PCNX2: variants seen among roughly 807,000 people sequenced by gnomAD.
The protein encoded by PCNX2 is pecanex-like protein 2.
Under a neutral mutation model 223.8 loss-of-function variants are expected in PCNX2, and 168 were observed. The observed-to-expected ratio is 0.75, with a 90% CI of 0.66 to 0.85. The LOEUF is 0.85. Ranked by LOEUF, PCNX2 falls within the 40% of genes least tolerant of loss-of-function variation. PCNX2 has a pLI of 0.00. For missense variants in PCNX2, 2,507 were observed against 2,675.5 expected, an observed-to-expected ratio of 0.94 and a Z score of 1.39; for synonymous variants, 1,006 against 1,052.6, an observed-to-expected ratio of 0.96 and a Z score of 0.86.
At chr1:233,053,723 T>C (rs1017563758) in intron 25 of PCNX2, among the ~76,000 whole-genome samples, 3 of 152,214 alleles carry the variant, frequency 2.0e-5, no homozygotes, top group African/African-American at 2.4e-5. Flanking sequence ...AAACTGGAGT[T>C]ATACTTTCAA....
At position 233,244,131 on chromosome 1, in the gene PCNX2, C is replaced by G. The variant is rs116569030; in HGVS notation, c.2222+6608G>C. On this transcript the variant is annotated intron_variant, in intron 8 of 33. Transcript: ENST00000258229. The stretch of plus-strand genomic sequence containing the variant: ...GGCATGAGCCACCACACCAGGCCCA[C>G]ATTTAATTTTTAAAGCAAACCAGTG... Among the ~76,000 whole-genome samples the G allele has an allele frequency of 8.9e-3, 1,351 of 152,262 alleles. 19 individuals carry two copies. Among genetic ancestry groups the G allele is most frequent in the African/African-American group, 0.028 (1,182 of 41,534 alleles).
At chr1:233,129,323 G>A (rs549246158) in intron 21 of PCNX2, among the ~76,000 whole-genome samples, 86 of 152,288 alleles carry the variant, frequency 5.6e-4, no homozygotes, top group African/African-American at 1.9e-3. Flanking sequence ...ATTTCTCGCC[G>A]GGCCTTAGCT....
chr1:233,167,832 A>C (rs535270952), intron 17 of PCNX2: 1 of 966,174 alleles, frequency 1.0e-6, no homozygotes, highest in South Asian at 4.8e-5. Flanking sequence ...TTTTCTTGTT[A>C]AATAACTTTT....
chr1:233,239,871 C>G (rs1658648380), intron 8 of PCNX2, among the ~76,000 whole-genome samples: 2 of 152,304 alleles, frequency 1.3e-5, no homozygotes, highest in South Asian at 4.1e-4. Flanking sequence ...ATCTTGCCCT[C>G]AAATCACACC....
At chr1:233,037,393 G>A (rs1671492066) in intron 25 of PCNX2, among the ~76,000 whole-genome samples, 1 of 152,128 alleles carries the variant, frequency 6.6e-6, no homozygotes, top group Non-Finnish European at 1.5e-5. Flanking sequence ...GTGCACAGGT[G>A]CAATCATAGC....
intron 1 of PCNX2, chr1:233,284,896 T>TA (rs1409680444): frequency 2.2e-6 from 2 of 921,854 alleles, no homozygotes; most frequent in African/African-American, 3.6e-5. Flanking sequence ...TAGTGACTGG[T>TA]ATGATCATCC....
chr1:233,099,496 C>T (rs927160061), intron 21 of PCNX2, among the ~76,000 whole-genome samples: 7 of 152,174 alleles, frequency 4.6e-5, no homozygotes, highest in African/African-American at 1.4e-4. Context: ...GATCTCAAAA[C>T]GGCCGACTGC....
chr1:233,031,771 T>C (rs1481428670), intron 25 of PCNX2: 1 of 984,514 alleles, frequency 1.0e-6, no homozygotes, highest in Admixed American at 6.2e-5. Flanking sequence ...CTTTGGCTCT[T>C]GGCTGAAAGC....
At chr1:233,056,865 T>C (rs1360319371) in intron 24 of PCNX2, among the ~76,000 whole-genome samples, 2 of 152,210 alleles carry the variant, frequency 1.3e-5, no homozygotes, top group Non-Finnish European at 2.9e-5. Flanking sequence ...GATCATGGAA[T>C]GCTTTACCTT....
At chr1:233,204,560 T>C (rs566309787) in intron 13 of PCNX2, among the ~76,000 whole-genome samples, 9 of 152,366 alleles carry the variant, frequency 5.9e-5, no homozygotes, top group Admixed American at 3.9e-4. Context: ...GTTGAGGGAA[T>C]AGACAGTGAA....
intron 9 of PCNX2, chr1:233,231,737 A>G: frequency 1.1e-6 from 1 of 892,194 alleles, no homozygotes; most frequent in Non-Finnish European, 1.3e-6. Flanking sequence ...CAGCACTGGG[A>G]AGGCAGGGTT....
chr1:233,130,784 C>T (rs1676455163), intron 21 of PCNX2, among the ~76,000 whole-genome samples: 2 of 151,326 alleles, frequency 1.3e-5, no homozygotes. Context: ...TGCCCGGCAC[C>T]CCCCCCTTTT....
chr1:233,200,331 T>C, intron 13 of PCNX2, 67 bp from the exon 14 acceptor site: 1 of 1,106,526 alleles, frequency 9.0e-7, no homozygotes, highest in Non-Finnish European at 1.3e-6. Flanking sequence ...CCTGCTGCAG[T>C]GCTGTCTCTC....
rs755772376 is a variant in PCNX2, at chr1:233,290,805, T to A, written c.153+4521A>T. On this transcript the variant is annotated intron_variant, in intron 1 of 33. Transcript: ENST00000258229. ...GAAACAGAACAAGTCTGGCTAAAGT[T>A]AAAGGAAAGGAAACAGAAAGCTCCA... 9.1e-6 allele frequency: 9 copies of A among 985,232 alleles called. No individual in the cohort carries two copies. The African/African-American group carries it at 1.4e-4, about 15-fold the overall frequency. 61.0% of individuals were successfully genotyped at this position (985,232 alleles called of 1,614,324 possible). A position where few individuals can be genotyped will look rare whatever the true frequency, so the allele number is the denominator to read the frequency against.
chr1:233,306,826 G>A, the PCNX2 span, among the ~76,000 whole-genome samples: 2 of 152,316 alleles, frequency 1.3e-5, no homozygotes, highest in Admixed American at 1.3e-4. Context: ...AGGACACTCA[G>A]AGGGCTTCTG....
chr1:233,307,492 A>G, the PCNX2 span, among the ~76,000 whole-genome samples: 2 of 152,334 alleles, frequency 1.3e-5, no homozygotes, highest in Middle Eastern at 3.4e-3. Flanking sequence ...TGCTAGCTCC[A>G]TGCCCCTTGT....
chr1:233,279,813 G>T (rs1239677136), intron 1 of PCNX2, among the ~76,000 whole-genome samples: 1 of 151,822 alleles, frequency 6.6e-6, no homozygotes, highest in Non-Finnish European at 1.5e-5. Flanking sequence ...CCTTTATGTT[G>T]TATCAGGAGG....
intron 1 of PCNX2, among the ~76,000 whole-genome samples, chr1:233,280,792 T>C (rs4649295): frequency 0.61 from 92,218 of 152,118 alleles, 28,842 homozygotes; most frequent in East Asian, 0.83. Context: ...TTTTTCTCAA[T>C]TTAGCAAATT....
chr1:233,293,773 G>A lies in PCNX2; in HGVS notation c.153+1553C>T, dbSNP rs78104157. On this transcript the variant is annotated intron_variant, in intron 1 of 33. Coordinates refer to ENST00000258229, the MANE Select transcript of PCNX2 (RefSeq NM_014801.4). ...ATATTCACCCTATAAGGGAGGTACT[G>A]TAATTATCCCTGCTTTACAAACAAG... 2.4e-3 allele frequency among the ~76,000 whole-genome samples: 367 copies of A among 152,290 alleles called. 2 individuals carry two copies. The highest frequency in any genetic ancestry group is 0.017 in the Middle Eastern group (5 of 294).
Sources: gnomAD v4.1 joint callset for allele counts (sites outside exome capture counted in the v4.1 genomes callset) on GRCh38, gnomAD v4.1.1 for gene constraint, MANE v1.5 for transcripts, NCBI Gene and HGNC (gene_info 2026-07-23, HGNC 2026-07-21) for gene names.